Variants in POC1B observed in about 807,000 individuals in gnomAD.
The protein encoded by POC1B is POC1 centriolar protein B, also known as POC1 centriolar protein homolog B.
A neutral mutation model predicts 60.6 loss-of-function variants in POC1B; 44 were observed. The observed-to-expected ratio is 0.73, with a 90% CI of 0.57 to 0.93. The LOEUF (loss-of-function observed/expected upper bound fraction) is 0.93. POC1B is among the 40% of genes least tolerant of loss of function. The pLI is 0.00. For missense variants in POC1B, 555 were observed against 572.3 expected (o/e 0.97, Z 0.31); for synonymous variants, 180 against 198.9 (o/e 0.90, Z 0.80).
the POC1B span, among the ~76,000 whole-genome samples, chr12:89,406,892 TC>T: frequency 6.6e-6 from 1 of 151,982 alleles, no homozygotes; most frequent in African/African-American, 2.4e-5. Flanking sequence ...ACACCTGTAA[TC>T]CCAGCACTTT....
At chr12:89,449,614 G>T (rs1329051662) in intron 10 of POC1B, among the ~76,000 whole-genome samples, 1 of 152,128 alleles carries the variant, frequency 6.6e-6, no homozygotes, top group Non-Finnish European at 1.5e-5. Flanking sequence ...TAAATCTAGT[G>T]CAATGGCAAT....
At chr12:89,457,656 C>T (rs1882312823) in intron 10 of POC1B, among the ~76,000 whole-genome samples, 1 of 152,070 alleles carries the variant, frequency 6.6e-6, no homozygotes. Flanking sequence ...GTGGAGTCTT[C>T]CTTTTAATGC....
chr12:89,459,609 T>TTA, intron 10 of POC1B, 29 bp downstream of exon 10: 2 of 578,806 alleles, frequency 3.5e-6, no homozygotes, highest in Non-Finnish European at 2.5e-6. Flanking sequence ...CACTTAAGTG[T>TTA]CAAAAAAAAA....
chr12:89,468,391 G>A (rs959929367), intron 7 of POC1B, among the ~76,000 whole-genome samples: 1 of 152,150 alleles, frequency 6.6e-6, no homozygotes, highest in Non-Finnish European at 1.5e-5. Flanking sequence ...GTCCAGATAA[G>A]AGTAAGTATT....
At chr12:89,508,612 A>C (rs1318678818) in intron 2 of POC1B, among the ~76,000 whole-genome samples, 1 of 152,178 alleles carries the variant, frequency 6.6e-6, no homozygotes, top group Non-Finnish European at 1.5e-5. Context: ...CTTTGGAATT[A>C]ATTAGTAACT....
intron 10 of POC1B, among the ~76,000 whole-genome samples, chr12:89,454,691 C>G (rs1178973763): frequency 6.6e-6 from 1 of 152,186 alleles, no homozygotes; most frequent in Non-Finnish European, 1.5e-5. Context: ...AAAATGGCAG[C>G]CCTCTACCTA....
At chr12:89,437,203 AC>A (rs929315207) in intron 10 of POC1B, among the ~76,000 whole-genome samples, 18 of 151,530 alleles carry the variant, frequency 1.2e-4, no homozygotes, top group Non-Finnish European at 2.5e-4. Context: ...TCTCCCTCCA[AC>A]CCCTCCTTTT....
intron 2 of POC1B, among the ~76,000 whole-genome samples, chr12:89,507,130 G>A (rs1565754991): frequency 6.6e-6 from 1 of 151,584 alleles, no homozygotes; most frequent in Non-Finnish European, 1.5e-5. Context: ...AAAATTAGCT[G>A]GGCATGGTGA....
At chr12:89,496,488 G>A (rs191299672) in intron 3 of POC1B, among the ~76,000 whole-genome samples, 18 of 152,294 alleles carry the variant, frequency 1.2e-4, no homozygotes, top group Admixed American at 1.0e-3. Flanking sequence ...GCTGATTGAC[G>A]GGAATATGAG....
intron 2 of POC1B, chr12:89,522,417 T>C (rs1870963116): frequency 5.4e-6 from 2 of 373,148 alleles, no homozygotes; most frequent in Admixed American, 4.5e-5. Flanking sequence ...TGCACATTCA[T>C]GAGTTTTGTT....
chr12:89,404,457 A>T, the POC1B span, among the ~76,000 whole-genome samples: 113 of 152,348 alleles, frequency 7.4e-4, no homozygotes, highest in Non-Finnish European at 1.3e-3. Context: ...TTAGACAGTA[A>T]CATTAACAAA....
intron 9 of POC1B, chr12:89,461,611 A>G (rs1882485412): frequency 6.6e-6 from 1 of 152,374 alleles, no homozygotes; most frequent in African/African-American, 2.4e-5. Flanking sequence ...AATAATTTTT[A>G]AAGCACTTAC....
intron 2 of POC1B, among the ~76,000 whole-genome samples, chr12:89,516,368 A>C (rs1462784334): frequency 6.6e-6 from 1 of 152,170 alleles, no homozygotes; most frequent in Non-Finnish European, 1.5e-5. Flanking sequence ...ATGACACTAA[A>C]TACCATTTAT....
chr12:89,484,613 T>C (rs577088740), intron 4 of POC1B, among the ~76,000 whole-genome samples: 2 of 152,340 alleles, frequency 1.3e-5, no homozygotes, highest in African/African-American at 4.8e-5. Flanking sequence ...GGCACTTCCA[T>C]TGTACTCATT....
chr12:89,482,822 C>A (rs1004434996), intron 4 of POC1B, among the ~76,000 whole-genome samples: 1 of 152,148 alleles, frequency 6.6e-6, no homozygotes, highest in Non-Finnish European at 1.5e-5. Context: ...TGTGTACCCA[C>A]CCAAATCTCA....
intron 2 of POC1B, chr12:89,520,822 A>C (rs1870787414): frequency 6.6e-6 from 1 of 152,202 alleles, no homozygotes. Context: ...ATCTAGGCCA[A>C]AGTGAACTAA....
intron 10 of POC1B, among the ~76,000 whole-genome samples, chr12:89,459,146 T>C (rs1263885665): frequency 6.6e-6 from 1 of 152,090 alleles, no homozygotes; most frequent in Non-Finnish European, 1.5e-5. Context: ...TGTGAAATGT[T>C]ACCTGGGTGG....
chr12:89,433,767 G>T (rs1259945956), intron 10 of POC1B, among the ~76,000 whole-genome samples: 2 of 152,198 alleles, frequency 1.3e-5, no homozygotes, highest in African/African-American at 4.8e-5. Flanking sequence ...GTTCATCTGA[G>T]AATCTTGACA....
Position 89,472,217 on chromosome 12 carries a change from A to G in POC1B, c.511T>C (p.Trp171Arg). Reference sequence around the variant, plus strand: ...ACACATTGCTTATTTGTGGTATCCCAAATTTTAATAGTTTTATCCTCACTA... The same window carrying G: ...ACACATTGCTTATTTGTGGTATCCCGAATTTTAATAGTTTTATCCTCACTA... ...SCSEDKTIKI[W>R]DTTNKQCVNN... The change falls in exon 5 of 12, where the codon TGG (tryptophan) becomes CGG (arginine). Residue 171 changes from tryptophan to arginine, a missense_variant. By Grantham distance (101) the Trp-to-Arg change is moderately radical. Coordinates refer to ENST00000313546, the MANE Select transcript of POC1B (RefSeq NM_172240.3). The G allele has an allele frequency of 6.2e-7, 1 of 1,608,268 alleles. No individual in the cohort carries two copies. The highest frequency in any genetic ancestry group is 1.1e-5 in the South Asian group (1 of 90,632).
Sources: gnomAD v4.1 joint callset for allele counts (sites outside exome capture counted in the v4.1 genomes callset) on GRCh38, gnomAD v4.1.1 for gene constraint, MANE v1.5 for transcripts, NCBI Gene and HGNC (gene_info 2026-07-23, HGNC 2026-07-21) for gene names.